TEX26: variants seen among roughly 807,000 people sequenced by gnomAD.
The protein encoded by TEX26 is testis-expressed protein 26.
Under a neutral mutation model 35.3 loss-of-function variants are expected in TEX26, and 34 were observed. The observed-to-expected ratio is 0.96, with a 90% CI of 0.73 to 1.28. The LOEUF is 1.28. Ranked by LOEUF, TEX26 falls within the 50% of genes most tolerant of loss-of-function variation. The probability of loss-of-function intolerance (pLI) is 0.00; values close to 1 mark genes in which losing one functional copy is unlikely to be tolerated. For missense variants in TEX26, 371 were observed against 330.1 expected, an observed-to-expected ratio of 1.12 and a Z score of -0.96; for synonymous variants, 136 against 111.8, an observed-to-expected ratio of 1.22 and a Z score of -1.36.
At chr13:30,947,112 C>G in intron 2 of TEX26, among the ~76,000 whole-genome samples, 1 of 152,010 alleles carries the variant, frequency 6.6e-6, no homozygotes, top group East Asian at 1.9e-4. Context: ...ACCCTAAGTA[C>G]TGAGTTATCA....
At chr13:30,951,087 G>A (rs955940813) in intron 2 of TEX26, among the ~76,000 whole-genome samples, 4 of 152,110 alleles carry the variant, frequency 2.6e-5, no homozygotes, top group Non-Finnish European at 5.9e-5. Context: ...TGTAGCATGC[G>A]CCTGTGGTCC....
At chr13:30,941,050 T>G (rs1473654138) in intron 2 of TEX26, among the ~76,000 whole-genome samples, 1 of 152,250 alleles carries the variant, frequency 6.6e-6, no homozygotes, top group Non-Finnish European at 1.5e-5. Flanking sequence ...CTTAGCCCCC[T>G]GCTCTTACCC....
intron 1 of TEX26, chr13:30,933,918 G>A (rs1177570218): frequency 6.6e-6 from 1 of 152,216 alleles, no homozygotes; most frequent in Admixed American, 6.5e-5. Context: ...ATCCTGCACA[G>A]GGCTTCAAGT....
intron 1 of TEX26, among the ~76,000 whole-genome samples, chr13:30,935,585 A>T (rs1227310806): frequency 6.6e-6 from 1 of 152,222 alleles, no homozygotes; most frequent in Non-Finnish European, 1.5e-5. Context: ...TGCAGAAAGG[A>T]AGGAGTACCC....
At chr13:30,940,938 AAAACAAAC>A (rs544908061) in intron 2 of TEX26, among the ~76,000 whole-genome samples, 1 of 152,122 alleles carries the variant, frequency 6.6e-6, no homozygotes, top group Non-Finnish European at 1.5e-5. Flanking sequence ...GCTCTGTCTC[AAAACAAAC>A]AAACAAACAA....
intron 1 of TEX26, 196 bp downstream of exon 1, chr13:30,932,972 T>G (rs1342684880): frequency 3.7e-6 from 2 of 542,474 alleles, no homozygotes; most frequent in Non-Finnish European, 6.3e-6. Flanking sequence ...GTCCTTCGCA[T>G]AACCTTTGCC....
intron 6 of TEX26, among the ~76,000 whole-genome samples, chr13:30,969,469 C>G (rs1954646197): frequency 6.6e-6 from 1 of 152,170 alleles, no homozygotes; most frequent in African/African-American, 2.4e-5. Context: ...ACAGGAAAAT[C>G]TCTATATATC....
At chr13:30,935,404 C>T (rs1265726595) in intron 1 of TEX26, among the ~76,000 whole-genome samples, 1 of 152,262 alleles carries the variant, frequency 6.6e-6, no homozygotes, top group Non-Finnish European at 1.5e-5. Flanking sequence ...CACCCATGGA[C>T]CAATCAGCAT....
At chr13:30,957,793 G>A (rs1445896383) in intron 4 of TEX26, among the ~76,000 whole-genome samples, 1 of 152,212 alleles carries the variant, frequency 6.6e-6, no homozygotes, top group Admixed American at 6.5e-5. Context: ...ACCCACCCCA[G>A]TGCCTGGCTT....
chr13:30,968,862 T>C (rs766303344), intron 5 of TEX26, 23 bp from the exon 6 acceptor site: 2 of 1,608,378 alleles, frequency 1.2e-6, no homozygotes, highest in Non-Finnish European at 1.7e-6. Flanking sequence ...TTCCGACCTC[T>C]CCTCCCCTGT....
intron 2 of TEX26, among the ~76,000 whole-genome samples, chr13:30,944,072 A>G (rs1953612247): frequency 6.6e-6 from 1 of 151,942 alleles, no homozygotes. Flanking sequence ...TCAGCTGTGA[A>G]TCCATCTGGC....
At position 30,939,320 on chromosome 13, in the gene TEX26, G is replaced by A. The variant is rs541394829; in HGVS notation, c.62-374G>A. ...TCCTGTGTGTGTAAAGTCATTCCGT[G>A]TGTCTATAGGTACATCTAATATGAT... is the stretch of plus-strand genomic sequence containing the variant. On this transcript the variant is annotated intron_variant, in intron 1 of 6. Transcript: ENST00000380473. Among the ~76,000 whole-genome samples the A allele has an allele frequency of 2.5e-4, 38 of 152,306 alleles. No homozygotes were observed. The South Asian group carries it at 7.5e-3, about 30-fold the overall frequency.
chr13:30,945,291 G>A (rs1212818343), intron 2 of TEX26, among the ~76,000 whole-genome samples: 1 of 151,550 alleles, frequency 6.6e-6, no homozygotes, highest in Non-Finnish European at 1.5e-5. Context: ...GTTTCCATTT[G>A]CATGCAATAT....
chr13:30,940,868 G>A (rs1953473105), intron 2 of TEX26, among the ~76,000 whole-genome samples: 1 of 151,810 alleles, frequency 6.6e-6, no homozygotes, highest in Non-Finnish European at 1.5e-5. Flanking sequence ...AACTCCGGAG[G>A]TGGAGGTTGC....
chr13:30,965,905 T>C (rs1267598239), intron 4 of TEX26, among the ~76,000 whole-genome samples: 1 of 152,226 alleles, frequency 6.6e-6, no homozygotes, highest in African/African-American at 2.4e-5. Context: ...GGGCATCCCA[T>C]GTTTTATATG....
intron 2 of TEX26, among the ~76,000 whole-genome samples, chr13:30,950,188 C>T (rs1200414738): frequency 1.3e-5 from 2 of 152,146 alleles, no homozygotes; most frequent in African/African-American, 2.4e-5. Context: ...GGTAGGTCAC[C>T]TGAGGTCAGG....
At chr13:30,943,754 G>A (rs1477755178) in intron 2 of TEX26, among the ~76,000 whole-genome samples, 1 of 151,930 alleles carries the variant, frequency 6.6e-6, no homozygotes, top group Non-Finnish European at 1.5e-5. Context: ...TTCCGTTTAT[G>A]TGATATATCA....
intron 3 of TEX26, among the ~76,000 whole-genome samples, chr13:30,954,275 TATACACACAC>T (rs1566153961): frequency 4.1e-5 from 2 of 49,364 alleles, no homozygotes; most frequent in Admixed American, 3.4e-4. Flanking sequence ...TTTATAGACC[TATACACACAC>T]ACACACACAC....
chr13:30,959,378 T>A (rs926393149), intron 4 of TEX26, among the ~76,000 whole-genome samples: 2 of 152,214 alleles, frequency 1.3e-5, no homozygotes, highest in African/African-American at 4.8e-5. Flanking sequence ...TTCATGAATT[T>A]TAGACGTTAT....
Sources: allele counts gnomAD v4.1 joint callset (sites outside exome capture counted in the v4.1 genomes callset), GRCh38; gene constraint gnomAD v4.1.1; transcripts MANE v1.5; gene names NCBI Gene and HGNC (gene_info 2026-07-23, HGNC 2026-07-21).